The following PLCL1 variants were observed in gnomAD, a reference collection of about 807,000 sequenced individuals.
PLCL1 encodes phospholipase C like 1 (inactive), also known as inactive phospholipase C-like protein 1.
In PLCL1, 41 loss-of-function variants were observed where a neutral mutation model predicts 84.4. The ratio of observed to expected loss-of-function variants is 0.49; its 90% CI spans 0.38 to 0.63. The LOEUF (loss-of-function observed/expected upper bound fraction) is 0.63. PLCL1 is among the 30% of genes least tolerant of loss of function. The probability of loss-of-function intolerance (pLI) is 0.00; values close to 1 mark genes in which losing one functional copy is unlikely to be tolerated. For missense variants in PLCL1, 1,206 were observed against 1,367.8 expected (o/e 0.88, Z 1.87); for synonymous variants, 490 against 488.3 (o/e 1.00, Z -0.05).
At chr2:197,919,439 A>G (rs1223896306) in intron 1 of PLCL1, among the ~76,000 whole-genome samples, 1 of 152,240 alleles carries the variant, frequency 6.6e-6, no homozygotes, top group East Asian at 1.9e-4. Flanking sequence ...AACTAAAAAA[A>G]TCAAAATCAA....
intron 1 of PLCL1, among the ~76,000 whole-genome samples, chr2:197,815,635 T>A (rs1690671945): frequency 1.3e-5 from 2 of 152,148 alleles, no homozygotes; most frequent in African/African-American, 4.8e-5. Context: ...CTGGAAAGGA[T>A]TCACCATTCC....
intron 1 of PLCL1, among the ~76,000 whole-genome samples, chr2:197,883,950 C>T (rs942346674): frequency 8.5e-5 from 13 of 152,064 alleles, no homozygotes; most frequent in African/African-American, 2.9e-4. Flanking sequence ...GAACAAAACA[C>T]GAACTTTGGA....
intron 1 of PLCL1, among the ~76,000 whole-genome samples, chr2:198,079,012 T>A (rs1405577916): frequency 1.3e-5 from 2 of 152,104 alleles, no homozygotes; most frequent in Non-Finnish European, 2.9e-5. Flanking sequence ...TACTTTTTCC[T>A]GAATTTATAT....
intron 1 of PLCL1, among the ~76,000 whole-genome samples, chr2:198,013,428 T>C (rs1690916800): frequency 6.6e-6 from 1 of 152,112 alleles, no homozygotes; most frequent in Admixed American, 6.6e-5. Flanking sequence ...TTAAGCCTTT[T>C]TGTTTCCCAG....
intron 1 of PLCL1, among the ~76,000 whole-genome samples, chr2:198,033,845 T>G (rs1472026268): frequency 1.3e-5 from 2 of 152,190 alleles, no homozygotes; most frequent in Admixed American, 6.6e-5. Context: ...CTTCTTTATA[T>G]TCTTTGGCTG....
chr2:198,000,739 C>CTT (rs111755074), intron 1 of PLCL1, among the ~76,000 whole-genome samples: 23,797 of 145,274 alleles, frequency 0.16, 2,049 homozygotes, highest in East Asian at 0.26. Context: ...CTTTATTTCC[C>CTT]TTTTTTTTTT....
In PLCL1 at chr2:197,892,854, G is replaced by T. The variant is rs139798578; in HGVS notation, c.240+87515G>T. 6.8e-3 allele frequency among the ~76,000 whole-genome samples: 1,032 copies of T among 152,202 alleles called. 15 individuals carry two copies. The highest frequency in any genetic ancestry group is 0.023 in the African/African-American group (968 of 41,520). ...CTAAAAATACAAAAATTAGCTGGGTGTGTGGTGGCACGCGCCTGTAGTCCC... is the reference window on the plus strand; with the variant it reads ...CTAAAAATACAAAAATTAGCTGGGTTTGTGGTGGCACGCGCCTGTAGTCCC... On this transcript the variant is annotated intron_variant, in intron 1 of 5. Transcript: ENST00000428675.
At chr2:197,938,897 A>T (rs1221076194) in intron 1 of PLCL1, among the ~76,000 whole-genome samples, 2 of 152,252 alleles carry the variant, frequency 1.3e-5, no homozygotes, top group African/African-American at 4.8e-5. Context: ...TGGAGACAAG[A>T]AAATGGCAAT....
intron 1 of PLCL1, among the ~76,000 whole-genome samples, chr2:197,893,397 T>C (rs1419830783): frequency 6.6e-6 from 1 of 152,088 alleles, no homozygotes. Flanking sequence ...GATTTGGGAG[T>C]GAGATAGGTG....
intron 1 of PLCL1, among the ~76,000 whole-genome samples, chr2:198,058,858 T>G (rs1692125279): frequency 6.6e-6 from 1 of 152,200 alleles, no homozygotes; most frequent in Non-Finnish European, 1.5e-5. Context: ...AAGACAGAAT[T>G]AAAATTATGC....
Position 198,148,999 on chromosome 2 carries a change from A to G in PLCL1, c.*2037A>G, listed in dbSNP as rs903940265. The G allele has an allele frequency of 4.6e-5, 7 of 152,292 alleles. No individual in the cohort carries two copies. The highest frequency in any genetic ancestry group is 1.0e-4 in the Non-Finnish European group (7 of 68,066). 9.4% of individuals were successfully genotyped at this position (152,292 alleles called of 1,614,324 possible). A position where few individuals can be genotyped will look rare whatever the true frequency, so the allele number is the denominator to read the frequency against. ...CGTAATATGGATTCTGCCTCATCTG[A>G]TGCTATTTCTGGCAGTGGGTTGTCA... On this transcript the variant is annotated 3_prime_UTR_variant, in exon 6 of 6. Transcript: ENST00000428675.
In PLCL1 at chr2:198,046,166, G is replaced by A. The variant is rs547591749; in HGVS notation, c.241-37592G>A. The stretch of plus-strand genomic sequence containing the variant: ...ATTTGTTTATGTATTGTTTATAGCT[G>A]CTTTCATGCTACAGTGGCAAAATTA... On this transcript the variant is annotated intron_variant, in intron 1 of 5. Transcript: ENST00000428675. 3.3e-5 allele frequency among the ~76,000 whole-genome samples: 5 copies of A among 152,286 alleles called. No homozygotes were observed. The East Asian group carries it at 9.7e-4, about 29-fold the overall frequency.
At chr2:198,073,880 T>C (rs575452711) in intron 1 of PLCL1, among the ~76,000 whole-genome samples, 4 of 152,336 alleles carry the variant, frequency 2.6e-5, no homozygotes, top group African/African-American at 9.6e-5. Context: ...TATTAATGTA[T>C]TATTTCTTAA....
chr2:198,138,285 T>C (rs1694305223), intron 5 of PLCL1, among the ~76,000 whole-genome samples: 1 of 152,114 alleles, frequency 6.6e-6, no homozygotes, highest in Non-Finnish European at 1.5e-5. Context: ...AGCAAGCACA[T>C]CTTCACATGG....
intron 4 of PLCL1, among the ~76,000 whole-genome samples, chr2:198,102,654 G>T (rs1447266409): frequency 6.6e-6 from 1 of 152,088 alleles, no homozygotes; most frequent in African/African-American, 2.4e-5. Flanking sequence ...CTTTAAAGAA[G>T]AGTTTCATTG....
chr2:197,838,482 A>G (rs1691233434), intron 1 of PLCL1, among the ~76,000 whole-genome samples: 1 of 152,238 alleles, frequency 6.6e-6, no homozygotes, highest in South Asian at 2.1e-4. Flanking sequence ...GGGATTTTTC[A>G]GGAAATGAAT....
In PLCL1 at chr2:198,070,660, A is replaced by G. The variant is rs796351712; in HGVS notation, c.241-13098A>G. ...AATAAATATTTCAAATATTGTATTTAACTAAAATAACACCAGTGTAATTAT... is the reference window on the plus strand; with the variant it reads ...AATAAATATTTCAAATATTGTATTTGACTAAAATAACACCAGTGTAATTAT... On this transcript the variant is annotated intron_variant, in intron 1 of 5. Coordinates refer to ENST00000428675, the MANE Select transcript of PLCL1 (RefSeq NM_006226.4). 8.5e-5 allele frequency among the ~76,000 whole-genome samples: 13 copies of G among 152,130 alleles called. No homozygotes were observed. The South Asian group carries it at 1.7e-3, about 19-fold the overall frequency.
chr2:197,879,504 C>T (rs1687791373), intron 1 of PLCL1, among the ~76,000 whole-genome samples: 1 of 151,888 alleles, frequency 6.6e-6, no homozygotes, highest in South Asian at 2.1e-4. Context: ...TTTTTTTGGC[C>T]TTAAGACAAA....
rs568702178 is a variant in PLCL1, at chr2:198,073,397, T to C, written c.241-10361T>C. On this transcript the variant is annotated intron_variant, in intron 1 of 5. Coordinates refer to ENST00000428675, the MANE Select transcript of PLCL1 (RefSeq NM_006226.4). ...ACATGAGCAGATGCTGATGTTCAGT[T>C]AATCAGAGGTAATGCAATAAGGATT... Among the ~76,000 whole-genome samples the C allele has an allele frequency of 6.6e-5, 10 of 152,302 alleles. No homozygotes were observed. The South Asian group carries it at 2.1e-3, about 32-fold the overall frequency.
Sources: allele counts gnomAD v4.1 joint callset (sites outside exome capture counted in the v4.1 genomes callset), GRCh38; gene constraint gnomAD v4.1.1; transcripts MANE v1.5; gene names NCBI Gene and HGNC (gene_info 2026-07-23, HGNC 2026-07-21).